The following CENPP variants were observed in gnomAD, a reference collection of about 807,000 sequenced individuals.
The protein encoded by CENPP is centromere protein P.
In CENPP, 24 loss-of-function variants were observed where a neutral mutation model predicts 35.6. The ratio of observed to expected loss-of-function variants is 0.67; its 90% confidence interval spans 0.49 to 0.95. The LOEUF is 0.95. Ranked by LOEUF, CENPP falls within the 40% of genes least tolerant of loss-of-function variation. The pLI is 0.00. For synonymous variants in CENPP, 120 were observed against 125.5 expected (o/e 0.96, Z 0.29); for missense variants, 332 against 345.3 (o/e 0.96, Z 0.31).
intron 5 of CENPP, among the ~76,000 whole-genome samples, chr9:92,434,677 T>A (rs930790178): frequency 2.6e-5 from 4 of 151,880 alleles, no homozygotes; most frequent in African/African-American, 4.8e-5. Flanking sequence ...AGTAAAACTT[T>A]AAAAAAAAGA....
At position 92,613,350 on chromosome 9, in the gene CENPP, G is replaced by A. The variant is rs1280967768; in HGVS notation, c.*201G>A. On this transcript the variant is annotated 3_prime_UTR_variant, in exon 8 of 8. Coordinates refer to ENST00000375587, the MANE Select transcript of CENPP (RefSeq NM_001012267.3). ...TAAGTATAAAATGCCAAATAAAAGT[G>A]ACACGTACAATGTGGTTTATAAAAA... 8.8e-6 allele frequency: 5 copies of A among 565,522 alleles called. No individual in the cohort carries two copies. The highest frequency in any genetic ancestry group is 1.5e-5 in the Non-Finnish European group (5 of 323,242). 35.0% of individuals were successfully genotyped at this position (565,522 alleles called of 1,614,324 possible).
chr9:92,519,099 A>C (rs770538720), intron 5 of CENPP, among the ~76,000 whole-genome samples: 29 of 152,010 alleles, frequency 1.9e-4, no homozygotes, highest in Non-Finnish European at 3.1e-4. Context: ...CCACCCCCAA[A>C]TGAGCCTCTC....
intron 5 of CENPP, chr9:92,403,111 G>T (rs371195843): frequency 6.6e-6 from 4 of 606,080 alleles, no homozygotes; most frequent in Admixed American, 6.4e-5. Flanking sequence ...TTATGAATTC[G>T]TTTGAATCAT....
intron 4 of CENPP, among the ~76,000 whole-genome samples, chr9:92,375,308 T>C (rs1445085726): frequency 2.0e-4 from 30 of 152,144 alleles, no homozygotes; most frequent in Admixed American, 2.0e-3. Flanking sequence ...TCTTTTTTTT[T>C]TGGAGAGGGA....
chr9:92,402,848 T>A (rs1237200341), intron 5 of CENPP, among the ~76,000 whole-genome samples: 1 of 152,226 alleles, frequency 6.6e-6, no homozygotes, highest in African/African-American at 2.4e-5. Context: ...AACCTTAAGC[T>A]GATAATTCAT....
chr9:92,454,435 T>G, intron 5 of CENPP, among the ~76,000 whole-genome samples: 1 of 152,206 alleles, frequency 6.6e-6, no homozygotes, highest in East Asian at 1.9e-4. Flanking sequence ...AATGATGAAT[T>G]TCAAGATGTT....
chr9:92,399,946 A>G (rs778560140), intron 5 of CENPP, among the ~76,000 whole-genome samples: 36 of 152,258 alleles, frequency 2.4e-4, no homozygotes, highest in Middle Eastern at 3.4e-3. Context: ...ATTCCTACAT[A>G]TACTTGTTAC....
At chr9:92,390,574 G>T (rs1842632006) in intron 5 of CENPP, among the ~76,000 whole-genome samples, 1 of 150,976 alleles carries the variant, frequency 6.6e-6, no homozygotes, top group Admixed American at 6.6e-5. Context: ...GTGTGTGTGT[G>T]TGTGTGTGTG....
intron 5 of CENPP, chr9:92,500,666 G>A: frequency 6.7e-7 from 1 of 1,484,478 alleles, no homozygotes; most frequent in Admixed American, 1.9e-5. Flanking sequence ...TGTCATGGTT[G>A]TTTTATCATA....
intron 5 of CENPP, among the ~76,000 whole-genome samples, chr9:92,413,511 ATTGTC>A (rs1843502654): frequency 6.6e-6 from 1 of 152,294 alleles, no homozygotes; most frequent in South Asian, 2.1e-4. Context: ...TAGGTTAGGA[ATTGTC>A]TTATCTTTGT....
chr9:92,348,108 CTTTCTT>C (rs1282193264), intron 4 of CENPP, among the ~76,000 whole-genome samples: 47 of 58,104 alleles, frequency 8.1e-4, no homozygotes, highest in African/African-American at 2.9e-3. Flanking sequence ...TTCTTTCTTT[CTTTCTT>C]TTTTTTTTTT....
intron 5 of CENPP, chr9:92,512,080 T>G (rs1239481143): frequency 1.2e-6 from 2 of 1,613,802 alleles, no homozygotes; most frequent in African/African-American, 2.7e-5. Context: ...TTTCCAAATT[T>G]GGTAATCCAT....
intron 5 of CENPP, among the ~76,000 whole-genome samples, chr9:92,429,373 G>C (rs918011406): frequency 3.9e-5 from 6 of 152,124 alleles, no homozygotes; most frequent in African/African-American, 1.4e-4. Context: ...CATGAATACA[G>C]AAACACTGAA....
At chr9:92,503,131 G>C (rs564081346) in intron 5 of CENPP, among the ~76,000 whole-genome samples, 11 of 152,232 alleles carry the variant, frequency 7.2e-5, no homozygotes, top group African/African-American at 2.6e-4. Flanking sequence ...AAAACACACT[G>C]CCATGGTTAT....
intron 5 of CENPP, among the ~76,000 whole-genome samples, chr9:92,399,055 A>C: frequency 7.0e-6 from 1 of 142,210 alleles, no homozygotes; most frequent in Non-Finnish European, 1.5e-5. Context: ...ACTCTGTCTC[A>C]AAAAAAAAAA....
chr9:92,595,240 ATTTG>A (rs1300842317), intron 5 of CENPP, among the ~76,000 whole-genome samples: 2 of 151,854 alleles, frequency 1.3e-5, no homozygotes, highest in Non-Finnish European at 2.9e-5. Context: ...TTCATGGTTT[ATTTG>A]TTTATTGATT....
chr9:92,615,884 G>A lies in CENPP; in HGVS notation c.*2735G>A, dbSNP rs145881935. The A allele has an allele frequency of 3.2e-5, 51 of 1,614,016 alleles. No individual in the cohort carries two copies. The highest frequency in any genetic ancestry group is 5.0e-5 in the Admixed American group (3 of 59,994). Reference sequence around the variant, plus strand: ...ATCTTCGCTTTCCTTGAACCGAGTCGACATCACGGCGTTGTCTTTGGCACG... The same window carrying A: ...ATCTTCGCTTTCCTTGAACCGAGTCAACATCACGGCGTTGTCTTTGGCACG... On this transcript the variant is annotated 3_prime_UTR_variant, in exon 8 of 8. Transcript: ENST00000375587.
chr9:92,498,353 G>T (rs1420909623), intron 5 of CENPP, among the ~76,000 whole-genome samples: 1 of 152,062 alleles, frequency 6.6e-6, no homozygotes, highest in African/African-American at 2.4e-5. Flanking sequence ...AATATTAAAT[G>T]AAGAGTTAAT....
chr9:92,573,800 G>T (rs1046082445), intron 5 of CENPP, among the ~76,000 whole-genome samples: 4 of 152,190 alleles, frequency 2.6e-5, no homozygotes, highest in African/African-American at 9.7e-5. Flanking sequence ...CAGCAATGGC[G>T]GATGCCTGTC....
Sources: gnomAD v4.1 joint callset for allele counts (sites outside exome capture counted in the v4.1 genomes callset) on GRCh38, gnomAD v4.1.1 for gene constraint, MANE v1.5 for transcripts, NCBI Gene and HGNC (gene_info 2026-07-23, HGNC 2026-07-21) for gene names.